TPD52: variants seen among roughly 807,000 people sequenced by gnomAD.
The protein encoded by TPD52 is prostate and colon associated protein.
In TPD52, 17 loss-of-function variants were observed where a neutral mutation model predicts 31.3. The observed-to-expected ratio is 0.54, with a 90% confidence interval of 0.37 to 0.82. TPD52 has a LOEUF of 0.82. Among genes scored for constraint, TPD52 ranks in the 40% least tolerant of loss-of-function variants. The pLI is 0.00. For missense variants in TPD52, 212 were observed against 240.1 expected (o/e 0.88, Z 0.77); for synonymous variants, 83 against 89.6 (o/e 0.93, Z 0.42).
At chr8:80,128,619 C>A (rs968798478) in intron 1 of TPD52, among the ~76,000 whole-genome samples, 1 of 151,650 alleles carries the variant, frequency 6.6e-6, no homozygotes, top group African/African-American at 2.4e-5. Context: ...TATTATCACG[C>A]CACCACACTC....
At chr8:80,159,465 A>C (rs1354201407) in intron 1 of TPD52, among the ~76,000 whole-genome samples, 1 of 152,152 alleles carries the variant, frequency 6.6e-6, no homozygotes, top group African/African-American at 2.4e-5. Context: ...TGCAACTTTT[A>C]TGTAGTATAG....
intron 1 of TPD52, among the ~76,000 whole-genome samples, chr8:80,085,994 T>C (rs1158961020): frequency 4.0e-5 from 6 of 151,428 alleles, no homozygotes; most frequent in Non-Finnish European, 5.9e-5. Flanking sequence ...AATACCTACA[T>C]AGTGTTCAGG....
chr8:80,038,327 AATAC>A (rs1810058922), intron 7 of TPD52, 92 bp from the exon 8 acceptor site: 2 of 1,323,738 alleles, frequency 1.5e-6, no homozygotes, highest in East Asian at 2.3e-5. Context: ...TTCAAGAACA[AATAC>A]ATCAGCAACC....
chr8:80,169,194 A>G lies in TPD52; in HGVS notation c.19+2231T>C, dbSNP rs1235510445. On this transcript the variant is annotated intron_variant, in intron 1 of 7. Coordinates refer to ENST00000518937, the MANE Select transcript of TPD52 (RefSeq NM_001025253.3). ...GAGACAGGGTTCCACCTTGTTGGAC[A>G]GGGGTCAAACTCCTGGCCTCAAGTG... Among the ~76,000 whole-genome samples the G allele has an allele frequency of 1.3e-5, 2 of 152,132 alleles. 1 individual carries two copies.
intron 1 of TPD52, among the ~76,000 whole-genome samples, chr8:80,105,339 C>T (rs1454953340): frequency 6.6e-6 from 1 of 152,182 alleles, no homozygotes; most frequent in Admixed American, 6.5e-5. Context: ...CCACCCCTGA[C>T]CTAATCGGTT....
intron 1 of TPD52, among the ~76,000 whole-genome samples, chr8:80,152,986 T>A (rs1810690044): frequency 6.6e-6 from 1 of 152,112 alleles, no homozygotes; most frequent in Non-Finnish European, 1.5e-5. Flanking sequence ...AGTTTTTACC[T>A]TCATTAGAAT....
At chr8:80,154,557 CAAG>C (rs1050410848) in intron 1 of TPD52, among the ~76,000 whole-genome samples, 1 of 152,230 alleles carries the variant, frequency 6.6e-6, no homozygotes, top group East Asian at 1.9e-4. Flanking sequence ...ACCTTTGAAT[CAAG>C]AAAAGGGAAA....
intron 1 of TPD52, among the ~76,000 whole-genome samples, chr8:80,169,467 CACTT>C (rs1405632070): frequency 6.6e-6 from 1 of 152,186 alleles, no homozygotes. Flanking sequence ...TAGAATTAGA[CACTT>C]AAACTAGTCC....
At chr8:80,099,668 G>A (rs1806593693) in intron 1 of TPD52, among the ~76,000 whole-genome samples, 2 of 151,942 alleles carry the variant, frequency 1.3e-5, no homozygotes, top group Non-Finnish European at 1.5e-5. Context: ...GTGACACCAC[G>A]CCCAGCTAAT....
intron 2 of TPD52, among the ~76,000 whole-genome samples, chr8:80,056,065 T>G (rs905153792): frequency 6.6e-6 from 1 of 152,088 alleles, no homozygotes; most frequent in Non-Finnish European, 1.5e-5. Flanking sequence ...AGGAAATCAG[T>G]GTATCAAAGG....
At chr8:80,042,758 T>A (rs1258474098) in intron 6 of TPD52, 90 bp from the exon 7 acceptor site, 9 of 1,189,296 alleles carry the variant, frequency 7.6e-6, no homozygotes, top group Non-Finnish European at 8.5e-6. Flanking sequence ...CTCTTCAACA[T>A]TATTCTCAAT....
chr8:80,094,462 A>G (rs865783428), intron 1 of TPD52, among the ~76,000 whole-genome samples: 19 of 87,414 alleles, frequency 2.2e-4, no homozygotes, highest in African/African-American at 7.5e-4. Flanking sequence ...ATATATATAT[A>G]TATATATATA....
chr8:80,091,329 C>T (rs896868359), intron 1 of TPD52, among the ~76,000 whole-genome samples: 2 of 152,102 alleles, frequency 1.3e-5, no homozygotes, highest in South Asian at 4.1e-4. Context: ...ATTAGCTGGG[C>T]GTGGTGGCGG....
At chr8:80,067,269 T>A (rs1226329920) in intron 1 of TPD52, 1 of 152,104 alleles carries the variant, frequency 6.6e-6, no homozygotes, top group Non-Finnish European at 1.5e-5. Context: ...ATTCAGCATC[T>A]AAGAAAGTTG....
At chr8:80,093,061 T>C (rs1273863242) in intron 1 of TPD52, among the ~76,000 whole-genome samples, 1 of 152,186 alleles carries the variant, frequency 6.6e-6, no homozygotes, top group Non-Finnish European at 1.5e-5. Flanking sequence ...TTTGTTTTTC[T>C]GAGACCCTAA....
At chr8:80,046,636 C>A (rs971576364) in intron 5 of TPD52, among the ~76,000 whole-genome samples, 2 of 152,222 alleles carry the variant, frequency 1.3e-5, no homozygotes. Context: ...CGGTTACCAT[C>A]TATAAGGCAC....
intron 1 of TPD52, among the ~76,000 whole-genome samples, chr8:80,120,306 C>T (rs986174838): frequency 1.3e-5 from 2 of 152,030 alleles, no homozygotes; most frequent in African/African-American, 2.4e-5. Context: ...CTAGCCAACA[C>T]GGCAAAACCC....
chr8:80,044,066 G>T, intron 6 of TPD52, 101 bp downstream of exon 6: 2 of 1,003,422 alleles, frequency 2.0e-6, no homozygotes, highest in South Asian at 1.5e-5. Context: ...CTTGTTTCAA[G>T]GGGAATTCTA....
At chr8:80,107,475 T>G (rs1807213742) in intron 1 of TPD52, among the ~76,000 whole-genome samples, 8 of 152,186 alleles carry the variant, frequency 5.3e-5, no homozygotes. Context: ...TTATAGCAAC[T>G]GCGGAGCAAC....
Sources: allele counts gnomAD v4.1 joint callset (sites outside exome capture counted in the v4.1 genomes callset), GRCh38; gene constraint gnomAD v4.1.1; transcripts MANE v1.5; gene names NCBI Gene and HGNC (gene_info 2026-07-23, HGNC 2026-07-21).